The following MRRF variants were observed in gnomAD, a reference collection of about 807,000 sequenced individuals.
MRRF encodes ribosome-recycling factor, mitochondrial.
In MRRF, 18 loss-of-function variants were observed where a neutral mutation model predicts 25.1. The observed-to-expected ratio is 0.72, with a 90% confidence interval of 0.50 to 1.06. The LOEUF (loss-of-function observed/expected upper bound fraction) is 1.06. MRRF is among the 50% of genes least tolerant of loss of function. The pLI is 0.00. For missense variants in MRRF, 323 were observed against 319.3 expected (o/e 1.01, Z -0.09); for synonymous variants, 113 against 112.1 (o/e 1.01, Z -0.05).
intron 4 of MRRF, chr9:122,285,960 G>C (rs1167031449): frequency 2.3e-6 from 3 of 1,303,834 alleles, no homozygotes; most frequent in Non-Finnish European, 3.0e-6. Flanking sequence ...GGTTGTATTA[G>C]GTCATTGCAT....
intron 4 of MRRF, among the ~76,000 whole-genome samples, chr9:122,289,542 A>G (rs1833621603): frequency 6.6e-6 from 1 of 151,896 alleles, no homozygotes; most frequent in Non-Finnish European, 1.5e-5. Context: ...AAGACTTAAG[A>G]ATGGACTACC....
At chr9:122,322,482 A>G (rs978030174) in intron 6 of MRRF, 58 bp from the exon 7 acceptor site, 1 of 1,464,802 alleles carries the variant, frequency 6.8e-7, no homozygotes, top group African/African-American at 1.4e-5. Flanking sequence ...TGGAATATTC[A>G]TCCCCCTACC....
chr9:122,292,984 T>A (rs1477368434), intron 5 of MRRF, among the ~76,000 whole-genome samples: 1 of 152,178 alleles, frequency 6.6e-6, no homozygotes, highest in African/African-American at 2.4e-5. Flanking sequence ...GTTGTTGGAA[T>A]ATAGCAGTAA....
At chr9:122,279,860 C>T (rs1324696068) in intron 2 of MRRF, among the ~76,000 whole-genome samples, 4 of 152,104 alleles carry the variant, frequency 2.6e-5, no homozygotes, top group Non-Finnish European at 5.9e-5. Context: ...TAATGTATTT[C>T]CTGTCTCTCT....
intron 1 of MRRF, chr9:122,265,814 T>G: frequency 8.1e-7 from 1 of 1,238,778 alleles, no homozygotes; most frequent in Non-Finnish European, 1.1e-6. Context: ...TCTTAACTCT[T>G]AGGCAAAAGC....
intron 2 of MRRF, among the ~76,000 whole-genome samples, chr9:122,274,505 G>C (rs1333162314): frequency 6.6e-6 from 1 of 150,522 alleles, no homozygotes; most frequent in Non-Finnish European, 1.5e-5. Flanking sequence ...GTGTTTGATA[G>C]AACTTGCCTG....
intron 1 of MRRF, among the ~76,000 whole-genome samples, chr9:122,268,175 T>C (rs1405410596): frequency 6.6e-6 from 1 of 152,262 alleles, no homozygotes; most frequent in African/African-American, 2.4e-5. Context: ...TTGACTTCTG[T>C]GCAATTAAAA....
intron 6 of MRRF, 37 bp from the exon 7 acceptor site, chr9:122,322,503 C>T: frequency 6.3e-7 from 1 of 1,587,938 alleles, no homozygotes; most frequent in Non-Finnish European, 8.6e-7. Context: ...CTTTTCCAGC[C>T]CCATTAATCA....
chr9:122,290,227 G>C lies in MRRF; in HGVS notation c.460-1522G>C, dbSNP rs757261824. On this transcript the variant is annotated intron_variant, in intron 4 of 6. Transcript: ENST00000344641. ...GCCAGTAACTGGAAGTTTGATGGATGGGAGTCCTCAAACCATCTCTCTTGG... is the reference window on the plus strand; with the variant it reads ...GCCAGTAACTGGAAGTTTGATGGATCGGAGTCCTCAAACCATCTCTCTTGG... Among the ~76,000 whole-genome samples the C allele has an allele frequency of 4.5e-4, 68 of 152,078 alleles. 1 individual carries two copies. The highest frequency in any genetic ancestry group is 4.2e-3 in the Admixed American group (64 of 15,254).
At chr9:122,283,659 G>A (rs1413968154) in intron 3 of MRRF, among the ~76,000 whole-genome samples, 1 of 152,124 alleles carries the variant, frequency 6.6e-6, no homozygotes, top group Admixed American at 6.5e-5. Flanking sequence ...CCACAGTATG[G>A]TACTGCATTA....
At chr9:122,281,406 C>G (rs1833086367) in intron 3 of MRRF, among the ~76,000 whole-genome samples, 1 of 152,166 alleles carries the variant, frequency 6.6e-6, no homozygotes, top group African/African-American at 2.4e-5. Flanking sequence ...CATAAGAAAA[C>G]TAGAAATATT....
intron 3 of MRRF, among the ~76,000 whole-genome samples, chr9:122,284,884 A>G (rs1833290482): frequency 6.6e-6 from 1 of 152,138 alleles, no homozygotes; most frequent in Non-Finnish European, 1.5e-5. Flanking sequence ...CTTGGGTTTG[A>G]GCAATCCTCC....
At chr9:122,305,786 A>G (rs1834803185) in intron 5 of MRRF, among the ~76,000 whole-genome samples, 1 of 152,178 alleles carries the variant, frequency 6.6e-6, no homozygotes, top group Non-Finnish European at 1.5e-5. Context: ...CTCTTTCACT[A>G]GAATGTGAGT....
intron 2 of MRRF, among the ~76,000 whole-genome samples, chr9:122,277,958 T>C (rs1832880127): frequency 6.6e-6 from 1 of 152,144 alleles, no homozygotes; most frequent in South Asian, 2.1e-4. Flanking sequence ...TTATGGGGTA[T>C]ATGTGATGTT....
intron 2 of MRRF, among the ~76,000 whole-genome samples, chr9:122,276,470 T>C (rs944085836): frequency 3.3e-5 from 5 of 152,196 alleles, no homozygotes; most frequent in Non-Finnish European, 7.3e-5. Flanking sequence ...GTTTTTGACA[T>C]TGAATATTTT....
At chr9:122,306,672 G>A (rs1834866682) in intron 5 of MRRF, among the ~76,000 whole-genome samples, 1 of 152,152 alleles carries the variant, frequency 6.6e-6, no homozygotes, top group South Asian at 2.1e-4. Context: ...CCAAACTTGT[G>A]CTTTTTCGCA....
At chr9:122,294,342 A>G (rs1833956283) in intron 5 of MRRF, among the ~76,000 whole-genome samples, 1 of 152,232 alleles carries the variant, frequency 6.6e-6, no homozygotes, top group Non-Finnish European at 1.5e-5. Flanking sequence ...AGAGTAAATG[A>G]TCACTGTCGG....
intron 5 of MRRF, among the ~76,000 whole-genome samples, chr9:122,297,864 G>C (rs1474988452): frequency 6.6e-6 from 1 of 152,196 alleles, no homozygotes; most frequent in Non-Finnish European, 1.5e-5. Flanking sequence ...TTGGTACTTA[G>C]ACCCAAACTT....
intron 4 of MRRF, among the ~76,000 whole-genome samples, chr9:122,289,697 C>G (rs540740437): frequency 6.6e-6 from 1 of 150,908 alleles, no homozygotes; most frequent in Non-Finnish European, 1.5e-5. Context: ...ACCTTTATAC[C>G]GCAAACATAA....
Sources: gnomAD v4.1 joint callset for allele counts (sites outside exome capture counted in the v4.1 genomes callset) on GRCh38, gnomAD v4.1.1 for gene constraint, MANE v1.5 for transcripts, NCBI Gene and HGNC (gene_info 2026-07-23, HGNC 2026-07-21) for gene names.